Variants in THRB observed in about 807,000 individuals in gnomAD.
THRB encodes the protein thyroid hormone receptor beta.
THRB carries 12 observed loss-of-function variants against 47.8 expected under a neutral mutation model. That is an observed-to-expected ratio of 0.25 (90% CI 0.16 to 0.41). The LOEUF is 0.41. THRB is among the 10% of genes least tolerant of loss of function. THRB has a pLI of 1.00. For missense variants in THRB, 348 were observed against 589.2 expected, an observed-to-expected ratio of 0.59 and a Z score of 4.24; for synonymous variants, 218 against 212.2, an observed-to-expected ratio of 1.03 and a Z score of -0.24.
intron 4 of THRB, among the ~76,000 whole-genome samples, chr3:24,208,297 C>T (rs570395621): frequency 1.3e-5 from 2 of 151,930 alleles, no homozygotes; most frequent in African/African-American, 2.4e-5. Flanking sequence ...AGATTCAATG[C>T]CATCCCCATC....
At position 24,243,068 on chromosome 3, in the gene THRB, GAAAAAAAA is replaced by G. The variant is rs71057662; in HGVS notation, c.-42-14075_-42-14068del. 1.8e-3 allele frequency among the ~76,000 whole-genome samples: 163 copies of G among 91,964 alleles called. 2 individuals carry two copies. The highest frequency in any genetic ancestry group is 5.9e-3 in the African/African-American group (136 of 23,216). 60.3% of individuals were successfully genotyped at this position (91,964 alleles called of 152,430 possible). A position where few individuals can be genotyped will look rare whatever the true frequency, so the allele number is the denominator to read the frequency against. On this transcript the variant is annotated intron_variant, in intron 3 of 10. Transcript: ENST00000646209. ...ACATCAAAATCACCTGCGCACCTTT[GAAAAAAAA>G]AAAAAAAAAAAAAAAAAAATCCCAG...
At chr3:24,352,172 A>T (rs1232228517) in intron 1 of THRB, among the ~76,000 whole-genome samples, 2 of 152,192 alleles carry the variant, frequency 1.3e-5, no homozygotes, top group Non-Finnish European at 2.9e-5. Flanking sequence ...GGCATGTGAG[A>T]ATAAACCTTA....
intron 1 of THRB, among the ~76,000 whole-genome samples, chr3:24,415,864 A>G (rs1364939100): frequency 6.6e-6 from 1 of 151,754 alleles, no homozygotes; most frequent in Non-Finnish European, 1.5e-5. Flanking sequence ...ATCCAGACAG[A>G]CTCAGTTGAT....
At chr3:24,159,392 T>C (rs972140617) in intron 5 of THRB, among the ~76,000 whole-genome samples, 1 of 152,164 alleles carries the variant, frequency 6.6e-6, no homozygotes. Flanking sequence ...AGATTTGATA[T>C]AAATAAGCAA....
chr3:24,313,072 G>A lies in THRB; in HGVS notation c.-188-15701C>T, dbSNP rs184919901. On this transcript the variant is annotated intron_variant, in intron 2 of 10. Coordinates refer to ENST00000646209, the MANE Select transcript of THRB (RefSeq NM_001354712.2). ...GATTTGGGGGTGAGGGAAAGAGGAA[G>A]CAAGTATGATTTCTAGGTTTTGGGA... is the stretch of plus-strand genomic sequence containing the variant. 2.1e-4 allele frequency among the ~76,000 whole-genome samples: 32 copies of A among 152,192 alleles called. 1 individual carries two copies. The highest frequency in any genetic ancestry group is 7.7e-4 in the African/African-American group (32 of 41,530).
chr3:24,326,952 T>A (rs956973004), intron 2 of THRB, among the ~76,000 whole-genome samples: 6 of 151,026 alleles, frequency 4.0e-5, no homozygotes, highest in Non-Finnish European at 8.9e-5. Context: ...TGTAGTAGAG[T>A]CAGGGTTTCA....
At chr3:24,477,007 AT>A (rs558247174) in intron 1 of THRB, among the ~76,000 whole-genome samples, 802 of 126,390 alleles carry the variant, frequency 6.3e-3, no homozygotes, top group Middle Eastern at 0.013. Context: ...GGTTTTCAAG[AT>A]TTTTTTTTTT....
At chr3:24,169,609 T>C (rs2040152752) in intron 5 of THRB, among the ~76,000 whole-genome samples, 1 of 150,948 alleles carries the variant, frequency 6.6e-6, no homozygotes, top group South Asian at 2.1e-4. Context: ...TGAGTTTATA[T>C]AAGTAAAGCA....
chr3:24,275,624 A>G (rs183347433), intron 3 of THRB, among the ~76,000 whole-genome samples: 1 of 152,304 alleles, frequency 6.6e-6, no homozygotes, highest in Admixed American at 6.5e-5. Flanking sequence ...TTAGATTCCA[A>G]CATGAGCGAG....
intron 6 of THRB, among the ~76,000 whole-genome samples, chr3:24,148,315 C>T (rs974141253): frequency 3.3e-5 from 5 of 152,090 alleles, no homozygotes; most frequent in Admixed American, 6.5e-5. Context: ...TTAGTAGAGA[C>T]GGGGTTTTGC....
At chr3:24,329,131 G>A (rs1211745267) in intron 2 of THRB, among the ~76,000 whole-genome samples, 2 of 152,024 alleles carry the variant, frequency 1.3e-5, no homozygotes, top group South Asian at 2.1e-4. Flanking sequence ...ATTTTGTAGA[G>A]ATGGGGTCTT....
intron 1 of THRB, among the ~76,000 whole-genome samples, chr3:24,482,538 CCTCTCTCTCTCTCTCTCT>C (rs10575358): frequency 7.6e-6 from 1 of 130,916 alleles, no homozygotes; most frequent in Non-Finnish European, 1.6e-5. Flanking sequence ...TTTCTGTCTC[CCTCTCTCTCTCTCTCTCT>C]CTCTCTCTCT....
chr3:24,137,427 G>A (rs1323518657), intron 8 of THRB, among the ~76,000 whole-genome samples: 3 of 152,222 alleles, frequency 2.0e-5, no homozygotes, highest in Non-Finnish European at 4.4e-5. Flanking sequence ...TGATAAGTCT[G>A]GAGGTGACAT....
intron 1 of THRB, among the ~76,000 whole-genome samples, chr3:24,354,439 T>C (rs192597391): frequency 6.6e-6 from 1 of 152,288 alleles, no homozygotes; most frequent in East Asian, 1.9e-4. Context: ...ATATGTTTAC[T>C]TTGGAAGAAC....
intron 1 of THRB, among the ~76,000 whole-genome samples, chr3:24,477,008 T>C (rs1695561721): frequency 7.9e-6 from 1 of 126,030 alleles, no homozygotes; most frequent in Non-Finnish European, 1.7e-5. Context: ...GTTTTCAAGA[T>C]TTTTTTTTTT....
intron 5 of THRB, among the ~76,000 whole-genome samples, chr3:24,169,215 T>C (rs2040093356): frequency 6.6e-6 from 1 of 152,142 alleles, no homozygotes; most frequent in Non-Finnish European, 1.5e-5. Context: ...TCAATATGTG[T>C]CTGTGTGACT....
intron 5 of THRB, among the ~76,000 whole-genome samples, chr3:24,161,331 A>T (rs1045027326): frequency 9.9e-5 from 15 of 152,176 alleles, no homozygotes; most frequent in African/African-American, 3.6e-4. Flanking sequence ...TATTACATTT[A>T]AAAGAGATTA....
intron 10 of THRB, among the ~76,000 whole-genome samples, chr3:24,123,396 G>C (rs746195434): frequency 6.6e-6 from 1 of 152,172 alleles, no homozygotes; most frequent in East Asian, 1.9e-4. Flanking sequence ...AGTGTGAAAG[G>C]TGATGCCTCC....
At chr3:24,306,989 T>G (rs1454616311) in intron 2 of THRB, among the ~76,000 whole-genome samples, 2 of 152,028 alleles carry the variant, frequency 1.3e-5, no homozygotes, top group African/African-American at 4.8e-5. Flanking sequence ...CAGATCATTC[T>G]TTTTTTCTCA....
Sources: gnomAD v4.1 joint callset for allele counts (sites outside exome capture counted in the v4.1 genomes callset) on GRCh38, gnomAD v4.1.1 for gene constraint, MANE v1.5 for transcripts, NCBI Gene and HGNC (gene_info 2026-07-23, HGNC 2026-07-21) for gene names.